The following SP3 variants were observed in gnomAD, a reference collection of about 807,000 sequenced individuals.
SP3 encodes Sp3 transcription factor, also known as transcription factor Sp3.
SP3 carries 10 observed loss-of-function variants against 70.3 expected under a neutral mutation model. The observed-to-expected ratio is 0.14, with a 90% CI of 0.09 to 0.24. The LOEUF (loss-of-function observed/expected upper bound fraction) is 0.24. Among genes scored for constraint, SP3 ranks in the 10% least tolerant of loss-of-function variants. The pLI is 1.00. For synonymous variants in SP3, 402 were observed against 333.5 expected, an observed-to-expected ratio of 1.21 and a Z score of -2.24; for missense variants, 825 against 914.6, an observed-to-expected ratio of 0.90 and a Z score of 1.26.
chr2:173,921,513 G>A (rs762839830), intron 4 of SP3, among the ~76,000 whole-genome samples: 8 of 148,266 alleles, frequency 5.4e-5, no homozygotes, highest in African/African-American at 1.3e-4. Context: ...AAGAGAGAGC[G>A]GTCCCGTCAC....
intron 3 of SP3, among the ~76,000 whole-genome samples, chr2:173,957,142 T>C (rs765412214): frequency 6.6e-6 from 1 of 152,188 alleles, no homozygotes; most frequent in East Asian, 1.9e-4. Flanking sequence ...CTACCTAATT[T>C]TCATGAAGAC....
intron 4 of SP3, among the ~76,000 whole-genome samples, chr2:173,929,463 CTATT>C (rs1356581388): frequency 6.6e-6 from 1 of 152,134 alleles, no homozygotes; most frequent in African/African-American, 2.4e-5. Context: ...TCACAGAGAC[CTATT>C]TATTAAAACA....
chr2:173,954,342 G>A (rs1372422660), intron 4 of SP3, among the ~76,000 whole-genome samples: 1 of 152,088 alleles, frequency 6.6e-6, no homozygotes, highest in African/African-American at 2.4e-5. Context: ...GGTCTGGAAG[G>A]TCACCTAGAC....
chr2:173,935,209 T>TGG, intron 4 of SP3, among the ~76,000 whole-genome samples: 1 of 152,178 alleles, frequency 6.6e-6, no homozygotes, highest in Non-Finnish European at 1.5e-5. Context: ...TACTCCAGCC[T>TGG]GGGTGAGACA....
rs113303834 is a variant in SP3, at chr2:173,963,890, C to A, written c.157-7G>T. 3.9e-5 allele frequency: 58 copies of A among 1,495,668 alleles called. No homozygotes were observed. The highest frequency in any genetic ancestry group is 1.1e-4 in the South Asian group (9 of 78,922). 92.6% of individuals were successfully genotyped at this position (1,495,668 alleles called of 1,614,324 possible). A position where few individuals can be genotyped will look rare whatever the true frequency, so the allele number is the denominator to read the frequency against. Reference sequence around the variant, plus strand: ...GCGGTGACGGCTGAGTGTCCTACCCCCAATGGGCGGGTTCAGAGAGGGAGA... The same window carrying A: ...GCGGTGACGGCTGAGTGTCCTACCCACAATGGGCGGGTTCAGAGAGGGAGA... On this transcript the variant is annotated splice_region_variant and splice_polypyrimidine_tract_variant and intron_variant, in intron 2 of 6. Coordinates refer to ENST00000310015, the MANE Select transcript of SP3 (RefSeq NM_003111.5).
At chr2:173,957,727 C>A (rs553082666) in intron 3 of SP3, among the ~76,000 whole-genome samples, 59 of 152,126 alleles carry the variant, frequency 3.9e-4, no homozygotes, top group African/African-American at 1.4e-3. Flanking sequence ...ACATCTGTGT[C>A]TTATAAAGAT....
chr2:173,930,687 G>A (rs774258561), intron 4 of SP3, among the ~76,000 whole-genome samples: 5 of 152,098 alleles, frequency 3.3e-5, no homozygotes, highest in South Asian at 2.1e-4. Context: ...TCTCTGCATC[G>A]TCATGTTTCT....
intron 3 of SP3, among the ~76,000 whole-genome samples, chr2:173,957,340 GA>G (rs1690927174): frequency 6.6e-6 from 1 of 151,980 alleles, no homozygotes. Context: ...AATACAATGT[GA>G]AAAGTAGCAC....
At chr2:173,924,407 G>A (rs895602288) in intron 4 of SP3, among the ~76,000 whole-genome samples, 1 of 152,192 alleles carries the variant, frequency 6.6e-6, no homozygotes, top group Non-Finnish European at 1.5e-5. Context: ...ACTGACTAGC[G>A]AGATATTCAC....
intron 2 of SP3, 194 bp downstream of exon 2, chr2:173,964,211 C>G (rs1333220692): frequency 1.7e-5 from 8 of 461,348 alleles, no homozygotes; most frequent in Middle Eastern, 5.6e-4. Context: ...AGGCGGCAGG[C>G]GGGCGAGGCG....
chr2:173,956,298 A>G (rs1690892295), intron 3 of SP3, 66 bp from the exon 4 acceptor site: 1 of 1,485,822 alleles, frequency 6.7e-7, no homozygotes, highest in Non-Finnish European at 8.9e-7. Context: ...AAAAAATTCT[A>G]AAAACTGGTA....
chr2:173,930,074 G>C (rs1690029199), intron 4 of SP3, among the ~76,000 whole-genome samples: 1 of 152,076 alleles, frequency 6.6e-6, no homozygotes, highest in Non-Finnish European at 1.5e-5. Flanking sequence ...CTTTAGCAGG[G>C]GTTCCATACC....
intron 4 of SP3, among the ~76,000 whole-genome samples, chr2:173,944,947 T>C (rs1318001192): frequency 1.3e-5 from 2 of 152,220 alleles, no homozygotes; most frequent in Non-Finnish European, 2.9e-5. Context: ...TGAAACCCTG[T>C]CTCTACGAAA....
intron 4 of SP3, among the ~76,000 whole-genome samples, chr2:173,946,978 T>C (rs1690561692): frequency 6.6e-6 from 1 of 151,972 alleles, no homozygotes; most frequent in Admixed American, 6.6e-5. Context: ...CTGCATTGGC[T>C]TCCTAAGGTG....
At chr2:173,910,535 C>CT (rs1231002076) in intron 6 of SP3, among the ~76,000 whole-genome samples, 2 of 152,210 alleles carry the variant, frequency 1.3e-5, no homozygotes, top group East Asian at 3.9e-4. Context: ...CTCAACTACG[C>CT]TAAGAGTTTG....
chr2:173,928,999 TA>T (rs1422625118), intron 4 of SP3, among the ~76,000 whole-genome samples: 1 of 152,216 alleles, frequency 6.6e-6, no homozygotes, highest in Non-Finnish European at 1.5e-5. Context: ...AACAAAAATT[TA>T]TTTTTCACTA....
intron 4 of SP3, among the ~76,000 whole-genome samples, chr2:173,949,463 G>T (rs1256606115): frequency 1.3e-5 from 2 of 151,976 alleles, no homozygotes; most frequent in South Asian, 4.2e-4. Flanking sequence ...CACTATAGGA[G>T]AGTGAAAAGA....
At chr2:173,964,611 G>A (rs1423159223) in intron 1 of SP3, 58 bp from the exon 2 acceptor site, 4 of 639,550 alleles carry the variant, frequency 6.3e-6, no homozygotes, top group East Asian at 3.3e-5. Flanking sequence ...CGGAGAGGGA[G>A]GGGGCCCGCG....
intron 4 of SP3, among the ~76,000 whole-genome samples, chr2:173,928,118 T>C (rs1483013845): frequency 6.6e-6 from 1 of 152,232 alleles, no homozygotes; most frequent in Non-Finnish European, 1.5e-5. Context: ...AAGCCAGTTT[T>C]AAATTTGGAA....
Sources: gnomAD v4.1 joint callset for allele counts (sites outside exome capture counted in the v4.1 genomes callset) on GRCh38, gnomAD v4.1.1 for gene constraint, MANE v1.5 for transcripts, NCBI Gene and HGNC (gene_info 2026-07-23, HGNC 2026-07-21) for gene names.